TRAPPC6B: variants seen among roughly 807,000 people sequenced by gnomAD.
TRAPPC6B encodes the protein trafficking protein particle complex subunit 6B.
In TRAPPC6B, 27 loss-of-function variants were observed where a neutral mutation model predicts 24.7. That is an observed-to-expected ratio of 1.09 (90% CI 0.81 to 1.51). The LOEUF is 1.51. Among genes scored for constraint, TRAPPC6B ranks in the 40% most tolerant of loss-of-function variants. The pLI is 0.00. For synonymous variants in TRAPPC6B, 80 were observed against 66.6 expected, an observed-to-expected ratio of 1.20 and a Z score of -0.98; for missense variants, 212 against 190.8, an observed-to-expected ratio of 1.11 and a Z score of -0.66.
At chr14:39,158,205 G>A in intron 3 of TRAPPC6B, 80 bp downstream of exon 3, 2 of 769,508 alleles carry the variant, frequency 2.6e-6, no homozygotes, top group Non-Finnish European at 4.1e-6. Flanking sequence ...ATTATTTTAG[G>A]TTTTAAATAA....
rs2052889039 is a variant in TRAPPC6B at position 39,149,320 on chromosome 14, G to C, written c.*1030C>G. 6.6e-6 allele frequency: 1 copy of C among 152,194 alleles called. No individual in the cohort carries two copies. Among genetic ancestry groups the C allele is most frequent in the Non-Finnish European group, 1.5e-5 (1 of 68,054 alleles). 9.4% of individuals were successfully genotyped at this position (152,194 alleles called of 1,614,324 possible). A position where few individuals can be genotyped will look rare whatever the true frequency, so the allele number is the denominator to read the frequency against. ...TGTGTCAGTCACCCCCTGCTGCAGA[G>C]TTCCCTGTCACACAAATACATGCAA... On this transcript the variant is annotated 3_prime_UTR_variant, in exon 6 of 6. Coordinates refer to ENST00000330149, the MANE Select transcript of TRAPPC6B (RefSeq NM_001079537.2).
intron 3 of TRAPPC6B, among the ~76,000 whole-genome samples, chr14:39,156,138 T>C (rs952799434): frequency 6.6e-6 from 1 of 152,144 alleles, no homozygotes; most frequent in Admixed American, 6.5e-5. Context: ...AAAAAAATCA[T>C]AGTCATTTCT....
intron 5 of TRAPPC6B, among the ~76,000 whole-genome samples, chr14:39,150,789 G>A (rs916944065): frequency 1.1e-4 from 16 of 151,992 alleles, no homozygotes; most frequent in African/African-American, 3.4e-4. Flanking sequence ...CGCCCACCTC[G>A]GCCTCCCAAA....
Position 39,170,161 on chromosome 14 carries a change from C to T in TRAPPC6B, c.-66G>A. 1 of 1,539,856 alleles carries T rather than the reference C, an allele frequency of 6.5e-7. No homozygotes were observed. ...TTGAGCTGGTCTGGGGGTTCCAGCT[C>T]GCGCCTCAGCGACTTCGCCGGCGCC... On this transcript the variant is annotated 5_prime_UTR_variant, in exon 1 of 6. Transcript: ENST00000330149.
chr14:39,162,145 C>A (rs1290519931), intron 1 of TRAPPC6B, among the ~76,000 whole-genome samples: 1 of 152,156 alleles, frequency 6.6e-6, no homozygotes, highest in Non-Finnish European at 1.5e-5. Flanking sequence ...AGACGTTCCT[C>A]CAACAAAAGA....
At chr14:39,162,160 ACTG>A (rs2053066195) in intron 1 of TRAPPC6B, among the ~76,000 whole-genome samples, 2 of 152,038 alleles carry the variant, frequency 1.3e-5, no homozygotes, top group African/African-American at 4.8e-5. Context: ...AAAAGACCAA[ACTG>A]CTATTTACTT....
At chr14:39,160,238 A>C (rs2053039959) in intron 1 of TRAPPC6B, among the ~76,000 whole-genome samples, 1 of 152,048 alleles carries the variant, frequency 6.6e-6, no homozygotes, top group Non-Finnish European at 1.5e-5. Context: ...TCAGAGGTTC[A>C]ATGGGTTAAA....
intron 1 of TRAPPC6B, among the ~76,000 whole-genome samples, chr14:39,159,882 G>C (rs1010851551): frequency 3.3e-5 from 5 of 151,974 alleles, no homozygotes; most frequent in Non-Finnish European, 7.4e-5. Context: ...CAGTACAGTG[G>C]GGCCATCTCG....
chr14:39,166,132 G>A (rs187354771), intron 1 of TRAPPC6B, among the ~76,000 whole-genome samples: 1 of 150,960 alleles, frequency 6.6e-6, no homozygotes, highest in Non-Finnish European at 1.5e-5. Flanking sequence ...TAGAGACACT[G>A]TTTCACTATG....
At chr14:39,168,405 A>G (rs1470670946) in intron 1 of TRAPPC6B, among the ~76,000 whole-genome samples, 1 of 152,074 alleles carries the variant, frequency 6.6e-6, no homozygotes, top group Non-Finnish European at 1.5e-5. Context: ...GGTCAATAAT[A>G]AAGTCAGAAG....
chr14:39,161,716 A>G (rs532490391), intron 1 of TRAPPC6B, among the ~76,000 whole-genome samples: 25 of 152,236 alleles, frequency 1.6e-4, no homozygotes, highest in Admixed American at 1.1e-3. Context: ...CCAACCCACC[A>G]GGTACACTTC....
chr14:39,161,561 G>C (rs1466457132), intron 1 of TRAPPC6B, among the ~76,000 whole-genome samples: 2 of 152,086 alleles, frequency 1.3e-5, no homozygotes, highest in African/African-American at 2.4e-5. Flanking sequence ...TTAAACCAAA[G>C]TATTTTACAG....
chr14:39,152,242 G>C (rs2052924271), intron 4 of TRAPPC6B, among the ~76,000 whole-genome samples: 1 of 152,086 alleles, frequency 6.6e-6, no homozygotes, highest in Admixed American at 6.6e-5. Flanking sequence ...AACCTCCCCT[G>C]GTTATTGCCT....
At chr14:39,164,214 G>A (rs144550948) in intron 1 of TRAPPC6B, among the ~76,000 whole-genome samples, 238 of 151,922 alleles carry the variant, frequency 1.6e-3, no homozygotes, top group African/African-American at 5.4e-3. Flanking sequence ...TGTTATTCTC[G>A]GCCGGGCATG....
At chr14:39,151,160 G>C (rs2052907102) in intron 5 of TRAPPC6B, among the ~76,000 whole-genome samples, 1 of 151,990 alleles carries the variant, frequency 6.6e-6, no homozygotes, top group Non-Finnish European at 1.5e-5. Flanking sequence ...GGGAGGCCGA[G>C]GCAGACGGAT....
At chr14:39,152,170 G>A (rs537358571) in intron 4 of TRAPPC6B, among the ~76,000 whole-genome samples, 4 of 152,310 alleles carry the variant, frequency 2.6e-5, no homozygotes, top group East Asian at 3.9e-4. Flanking sequence ...AGTCCCTGCT[G>A]CCTGCAGGAT....
intron 4 of TRAPPC6B, among the ~76,000 whole-genome samples, chr14:39,152,386 T>C (rs1451758712): frequency 6.6e-6 from 1 of 152,128 alleles, no homozygotes; most frequent in Non-Finnish European, 1.5e-5. Context: ...TATCAACAGT[T>C]TGGACGTTGA....
chr14:39,151,627 T>C (rs1594532839), intron 5 of TRAPPC6B, 119 bp downstream of exon 5: 7 of 717,108 alleles, frequency 9.8e-6, no homozygotes, highest in Middle Eastern at 3.0e-4. Flanking sequence ...AAGTGTTACA[T>C]TGATAAAACT....
In TRAPPC6B at chr14:39,170,202, C is replaced by T; in HGVS notation, c.-107G>A. On this transcript the variant is annotated 5_prime_UTR_variant, in exon 1 of 6. Transcript: ENST00000330149. Reference sequence around the variant, plus strand: ...CGCCGGCGCCGCGGCTCCGTCAGGCCGCCATTCTATCCCTGTGGCTAAGAG... The same window carrying T: ...CGCCGGCGCCGCGGCTCCGTCAGGCTGCCATTCTATCCCTGTGGCTAAGAG... The T allele has an allele frequency of 2.9e-6, 3 of 1,044,678 alleles. No individual in the cohort carries two copies. Among genetic ancestry groups the T allele is most frequent in the South Asian group, 1.4e-5 (1 of 73,160 alleles). The allele number at this position is 1,044,678 out of a possible 1,614,324, so 64.7% of individuals were successfully genotyped here.
Sources: allele counts gnomAD v4.1 joint callset (sites outside exome capture counted in the v4.1 genomes callset), GRCh38; gene constraint gnomAD v4.1.1; transcripts MANE v1.5; gene names NCBI Gene and HGNC (gene_info 2026-07-23, HGNC 2026-07-21).